ABAT: variants seen among roughly 807,000 people sequenced by gnomAD.
The protein encoded by ABAT is 4-aminobutyrate aminotransferase, mitochondrial.
Under a neutral mutation model 64.6 loss-of-function variants are expected in ABAT, and 45 were observed. The observed-to-expected ratio is 0.70, with a 90% confidence interval of 0.55 to 0.89. The LOEUF is 0.89. Ranked by LOEUF, ABAT falls within the 40% of genes least tolerant of loss-of-function variation. The probability of loss-of-function intolerance (pLI) is 0.00; values close to 1 mark genes in which losing one functional copy is unlikely to be tolerated. For missense variants in ABAT, 633 were observed against 658.4 expected, an observed-to-expected ratio of 0.96 and a Z score of 0.42; for synonymous variants, 297 against 250.5, an observed-to-expected ratio of 1.19 and a Z score of -1.75.
chr16:8,722,821 GAT>G, intron 1 of ABAT: 1 of 1,289,142 alleles, frequency 7.8e-7, no homozygotes. Flanking sequence ...ATCAAAGAGG[GAT>G]ATACTAATGC....
At chr16:8,772,103 C>A (rs1476828828) in intron 11 of ABAT, among the ~76,000 whole-genome samples, 1 of 152,156 alleles carries the variant, frequency 6.6e-6, no homozygotes, top group African/African-American at 2.4e-5. Flanking sequence ...ATCTCCGATT[C>A]TGCCCCAAAA....
At chr16:8,741,935 A>G (rs1304969828) in intron 2 of ABAT, among the ~76,000 whole-genome samples, 4 of 152,236 alleles carry the variant, frequency 2.6e-5, no homozygotes, top group African/African-American at 9.6e-5. Flanking sequence ...CTTAAAATAG[A>G]TGGAAGTTTG....
chr16:8,754,455 C>T (rs74008057), intron 5 of ABAT, among the ~76,000 whole-genome samples: 3,133 of 152,192 alleles, frequency 0.021, 118 homozygotes, highest in African/African-American at 0.07. Context: ...AGTCCTCAGG[C>T]ATGGACAGTT....
chr16:8,751,097 C>T (rs1300925438), intron 5 of ABAT, among the ~76,000 whole-genome samples: 4 of 151,878 alleles, frequency 2.6e-5, no homozygotes, highest in Non-Finnish European at 2.9e-5. Flanking sequence ...TACAGGCACA[C>T]GCCACCATGC....
intron 1 of ABAT, among the ~76,000 whole-genome samples, chr16:8,714,366 G>T (rs1244329607): frequency 6.6e-6 from 1 of 152,212 alleles, no homozygotes; most frequent in Non-Finnish European, 1.5e-5. Context: ...GAAGGCTCAG[G>T]GGGCGCTGTC....
intron 4 of ABAT, among the ~76,000 whole-genome samples, chr16:8,749,948 C>G (rs1044889597): frequency 6.6e-6 from 1 of 152,116 alleles, no homozygotes; most frequent in Non-Finnish European, 1.5e-5. Context: ...CTCCTGACTT[C>G]AAATGATCCA....
At chr16:8,768,053 G>A in intron 9 of ABAT, 140 bp from the exon 10 acceptor site, 1 of 846,798 alleles carries the variant, frequency 1.2e-6, no homozygotes, top group South Asian at 1.4e-5. Context: ...AGACCCCATT[G>A]GTCCCATGGG....
At chr16:8,689,625 A>G (rs1019482674) in intron 1 of ABAT, among the ~76,000 whole-genome samples, 15 of 152,224 alleles carry the variant, frequency 9.9e-5, no homozygotes, top group African/African-American at 2.9e-4. Context: ...TGGGGCCACA[A>G]AGGGGAGCTG....
At chr16:8,746,508 G>A (rs183337851) in intron 3 of ABAT, among the ~76,000 whole-genome samples, 1 of 152,126 alleles carries the variant, frequency 6.6e-6, no homozygotes, top group East Asian at 2.0e-4. Context: ...AGCCTCCTGA[G>A]TAGCTGGGAT....
intron 1 of ABAT, among the ~76,000 whole-genome samples, chr16:8,675,626 G>A (rs1013045911): frequency 6.6e-6 from 1 of 152,158 alleles, no homozygotes; most frequent in African/African-American, 2.4e-5. Context: ...GACTAGAGGG[G>A]GTTCAGCGAG....
chr16:8,771,468 CT>C (rs144671840), intron 11 of ABAT, among the ~76,000 whole-genome samples: 97,721 of 129,970 alleles, frequency 0.75, 37,702 homozygotes, highest in East Asian at 0.97. Flanking sequence ...GTTTTTCTTT[CT>C]TTTTTTTTTT....
chr16:8,780,239 G>A (rs1295380020), intron 15 of ABAT: 1 of 176,754 alleles, frequency 5.7e-6, no homozygotes, highest in Non-Finnish European at 1.2e-5. Flanking sequence ...GGGTCGCATG[G>A]GCCTGCAGAT....
Position 8,756,308 on chromosome 16 carries a change from C to T in ABAT, c.317-1449C>T, listed in dbSNP as rs560616650. On this transcript the variant is annotated intron_variant, in intron 5 of 15. Coordinates refer to ENST00000268251, the MANE Select transcript of ABAT (RefSeq NM_020686.6). ...ATGGTTAAGAATGTCTTTCAAAAAG[C>T]CCTAGAAGATTACAACAATCTTGCT... 9.9e-5 allele frequency among the ~76,000 whole-genome samples: 15 copies of T among 152,262 alleles called. No individual in the cohort carries two copies. The East Asian group carries it at 2.7e-3, about 27-fold the overall frequency.
intron 1 of ABAT, among the ~76,000 whole-genome samples, chr16:8,726,456 G>C (rs1232069010): frequency 6.6e-6 from 1 of 151,942 alleles, no homozygotes; most frequent in South Asian, 2.1e-4. Context: ...ATGGGGTTTA[G>C]CCATGTTCGC....
intron 1 of ABAT, among the ~76,000 whole-genome samples, chr16:8,729,539 AC>A (rs2058658216): frequency 6.6e-6 from 1 of 152,112 alleles, no homozygotes; most frequent in Non-Finnish European, 1.5e-5. Flanking sequence ...TCTCACAAAG[AC>A]CAGGCACCAT....
At chr16:8,767,528 C>T (rs1452434009) in intron 9 of ABAT, among the ~76,000 whole-genome samples, 2 of 152,198 alleles carry the variant, frequency 1.3e-5, no homozygotes, top group Non-Finnish European at 2.9e-5. Context: ...GGGCTGAAAA[C>T]CCAGGAGTCC....
At chr16:8,724,221 A>ACAC (rs1227368679) in intron 1 of ABAT, among the ~76,000 whole-genome samples, 1 of 152,114 alleles carries the variant, frequency 6.6e-6, no homozygotes, top group East Asian at 1.9e-4. Context: ...ATTATGGTGC[A>ACAC]CATAACAGAC....
At position 8,745,526 on chromosome 16, in the gene ABAT, G is replaced by A. The variant is rs141327513; in HGVS notation, c.71-475G>A. On this transcript the variant is annotated intron_variant, in intron 2 of 15. Coordinates refer to ENST00000268251, the MANE Select transcript of ABAT (RefSeq NM_020686.6). The stretch of plus-strand genomic sequence containing the variant: ...AGCCTGGGCAACATGGCGAAACCCC[G>A]TCTCTACTAAAAATACCAAAATTAG... Among the ~76,000 whole-genome samples the A allele has an allele frequency of 4.0e-3, 608 of 151,994 alleles. 6 individuals are homozygous for A. The highest frequency in any genetic ancestry group is 0.014 in the African/African-American group (572 of 41,474).
intron 1 of ABAT, among the ~76,000 whole-genome samples, chr16:8,702,346 G>A (rs1475614608): frequency 2.6e-5 from 4 of 151,922 alleles, no homozygotes; most frequent in African/African-American, 9.7e-5. Context: ...TCCGCCTCCT[G>A]GGTTCAAGCA....
Sources: allele counts gnomAD v4.1 joint callset (sites outside exome capture counted in the v4.1 genomes callset), GRCh38; gene constraint gnomAD v4.1.1; transcripts MANE v1.5; gene names NCBI Gene and HGNC (gene_info 2026-07-23, HGNC 2026-07-21).